The following MYO5A variants were observed in gnomAD, a reference collection of about 807,000 sequenced individuals.
MYO5A encodes unconventional myosin-Va.
A neutral mutation model predicts 249.7 loss-of-function variants in MYO5A; 98 were observed. The observed-to-expected ratio is 0.39, with a 90% CI of 0.33 to 0.46. MYO5A has a LOEUF of 0.46. MYO5A is among the 20% of genes least tolerant of loss of function. MYO5A has a pLI of 0.98. For missense variants in MYO5A, 1,696 were observed against 2,308.8 expected (o/e 0.73, Z 5.44); for synonymous variants, 778 against 810.6 (o/e 0.96, Z 0.68).
At chr15:52,404,978 T>C (rs973047949) in intron 9 of MYO5A, among the ~76,000 whole-genome samples, 1 of 151,888 alleles carries the variant, frequency 6.6e-6, no homozygotes, top group African/African-American at 2.4e-5. Context: ...GAGTTTCTGA[T>C]CTTGTGGGGC....
chr15:52,453,432 A>C (rs2076058806), intron 1 of MYO5A, among the ~76,000 whole-genome samples: 1 of 152,188 alleles, frequency 6.6e-6, no homozygotes, highest in South Asian at 2.1e-4. Context: ...GAAATACTAA[A>C]GGGAGTTCTT....
chr15:52,383,306 C>T (rs929380738), intron 15 of MYO5A, 118 bp from the exon 16 acceptor site: 2 of 812,938 alleles, frequency 2.5e-6, no homozygotes, highest in African/African-American at 3.4e-5. Context: ...CACTTATAAA[C>T]TTGACCCATC....
At chr15:52,395,759 C>A (rs1217806148) in intron 11 of MYO5A, among the ~76,000 whole-genome samples, 2 of 152,174 alleles carry the variant, frequency 1.3e-5, no homozygotes, top group Non-Finnish European at 1.5e-5. Flanking sequence ...TTCACTATTA[C>A]AATCTGCTGC....
Position 52,313,403 on chromosome 15 carries a change from A to G in MYO5A, c.*293T>C, listed in dbSNP as rs534356073. The G allele has an allele frequency of 2.5e-6, 1 of 401,366 alleles. No homozygotes were observed. Among genetic ancestry groups the G allele is most frequent in the African/African-American group, 2.0e-5 (1 of 49,028 alleles). The allele number at this position is 401,366 out of a possible 1,614,324, so 24.9% of individuals were successfully genotyped here. On this transcript the variant is annotated 3_prime_UTR_variant, in exon 42 of 42. Coordinates refer to ENST00000399233, the MANE Select transcript of MYO5A (RefSeq NM_001382347.1). ...AATAAATGCTGCCAGCTGAAGACAC[A>G]TTTTTCTCCTCCTTTCCTTCCTCCC...
At chr15:52,317,002 CT>C in intron 40 of MYO5A, 45 bp downstream of exon 40, 1 of 1,582,936 alleles carries the variant, frequency 6.3e-7, no homozygotes, top group Non-Finnish European at 8.7e-7. Flanking sequence ...TAAAGATCAT[CT>C]TTGATGAATG....
At chr15:52,514,597 A>C (rs916540022) in intron 1 of MYO5A, among the ~76,000 whole-genome samples, 17 of 152,198 alleles carry the variant, frequency 1.1e-4, no homozygotes, top group African/African-American at 4.1e-4. Context: ...ATGAGAGATG[A>C]GGCAGGCCCA....
At chr15:52,415,784 T>C (rs1217612936) in intron 5 of MYO5A, among the ~76,000 whole-genome samples, 1 of 152,096 alleles carries the variant, frequency 6.6e-6, no homozygotes, top group African/African-American at 2.4e-5. Flanking sequence ...ACTCAGGACT[T>C]GGGGGAAATG....
chr15:52,340,768 G>A (rs1596314632), intron 31 of MYO5A, among the ~76,000 whole-genome samples: 9 of 151,920 alleles, frequency 5.9e-5, no homozygotes, highest in Admixed American at 3.9e-4. Flanking sequence ...CCAACATAGC[G>A]AAACCCCATC....
chr15:52,519,965 A>G (rs1298980605), intron 1 of MYO5A, among the ~76,000 whole-genome samples: 1 of 152,066 alleles, frequency 6.6e-6, no homozygotes, highest in Non-Finnish European at 1.5e-5. Flanking sequence ...TCCTGACCTC[A>G]TGATCCGCCC....
intron 34 of MYO5A, chr15:52,331,823 C>T: frequency 2.0e-6 from 2 of 985,396 alleles, no homozygotes; most frequent in Non-Finnish European, 2.4e-6. Context: ...CACCATCCAG[C>T]AACACTATGA....
chr15:52,467,422 GA>G (rs1382918620), intron 1 of MYO5A, among the ~76,000 whole-genome samples: 2 of 151,772 alleles, frequency 1.3e-5, no homozygotes, highest in Non-Finnish European at 1.5e-5. Context: ...AGACTAAGCA[GA>G]AAAAAAGAAT....
Position 52,519,726 on chromosome 15 carries a change from G to A in MYO5A, c.27+9054C>T, listed in dbSNP as rs149635184. Among the ~76,000 whole-genome samples, 68 of 151,710 alleles carry A rather than the reference G, an allele frequency of 4.5e-4. 1 individual carries two copies. The East Asian group carries it at 7.2e-3, about 16-fold the overall frequency. On this transcript the variant is annotated intron_variant, in intron 1 of 41. Coordinates refer to ENST00000399233, the MANE Select transcript of MYO5A (RefSeq NM_001382347.1). ...GCTATTAGTAACATTTGCTTGCACA[G>A]ACGCTCCATGGCTTTTTTTTTTGAG...
At chr15:52,401,066 C>T (rs2042730738) in intron 9 of MYO5A, among the ~76,000 whole-genome samples, 1 of 135,884 alleles carries the variant, frequency 7.4e-6, no homozygotes, top group Non-Finnish European at 1.5e-5. Flanking sequence ...ACAGCAGATT[C>T]TCATAAGCTT....
chr15:52,382,111 C>T (rs1469137214), intron 16 of MYO5A, among the ~76,000 whole-genome samples: 1 of 152,136 alleles, frequency 6.6e-6, no homozygotes, highest in Non-Finnish European at 1.5e-5. Flanking sequence ...CCATGTTGGC[C>T]AGGTTGGTCT....
At chr15:52,369,924 T>G (rs2041017451) in intron 22 of MYO5A, among the ~76,000 whole-genome samples, 1 of 150,118 alleles carries the variant, frequency 6.7e-6, no homozygotes, top group African/African-American at 2.4e-5. Context: ...ACTTGGCCAT[T>G]CTCTCCTAAA....
At position 52,353,957 on chromosome 15, in the gene MYO5A, G is replaced by A. The variant is rs376711165; in HGVS notation, c.3481C>T (p.Arg1161Trp). 15 of 1,614,046 alleles carry A rather than the reference G, an allele frequency of 9.3e-6. No homozygotes were observed. Among genetic ancestry groups the A allele is most frequent in the African/African-American group, 5.3e-5 (4 of 74,908 alleles). The change falls in exon 26 of 42, where the codon CGG (arginine) becomes TGG (tryptophan). Residue 1161 changes from arginine to tryptophan, a missense_variant. Physicochemically the swap from Arg to Trp is moderately radical, Grantham distance 101. This residue lies in a region of MYO5A where 625 missense variants were observed against 908.1 expected (regional missense o/e 0.69). Coordinates refer to ENST00000399233, the MANE Select transcript of MYO5A (RefSeq NM_001382347.1). ...DMSLFLKLQK[R>W]VTELEQEKQV... is the part of the protein sequence containing the mutation. ...TTCTCCTGCTCCAGCTCTGTGACCC[G>A]CTTCTGGAGCTTAAGGAACAATGAC...
intron 20 of MYO5A, among the ~76,000 whole-genome samples, chr15:52,373,074 T>A (rs567481590): frequency 6.6e-6 from 1 of 152,202 alleles, no homozygotes; most frequent in African/African-American, 2.4e-5. Context: ...ACTTTTGGGA[T>A]TCAAAGGTAG....
chr15:52,374,573 A>T (rs76341304), intron 20 of MYO5A, among the ~76,000 whole-genome samples: 1 of 152,240 alleles, frequency 6.6e-6, no homozygotes, highest in East Asian at 1.9e-4. Flanking sequence ...AATTATTCTT[A>T]TAAGAGGCAG....
At chr15:52,487,154 T>G (rs1360594271) in intron 1 of MYO5A, among the ~76,000 whole-genome samples, 1 of 152,126 alleles carries the variant, frequency 6.6e-6, no homozygotes, top group Non-Finnish European at 1.5e-5. Flanking sequence ...AGCAGCTCAC[T>G]CTTGTAATGC....
Sources: gnomAD v4.1 joint callset for allele counts (sites outside exome capture counted in the v4.1 genomes callset) on GRCh38, gnomAD v4.1.1 for gene constraint, gnomAD v4.1.1 regional missense constraint, MANE v1.5 for transcripts, NCBI Gene and HGNC (gene_info 2026-07-23, HGNC 2026-07-21) for gene names.